Variants in GTF2IRD1 observed in about 807,000 individuals in gnomAD.
GTF2IRD1 encodes the protein GTF2I repeat domain containing 1, also known as general transcription factor II-I repeat domain-containing protein 1.
A neutral mutation model predicts 113.2 loss-of-function variants in GTF2IRD1; 26 were observed. That is an observed-to-expected ratio of 0.23 (90% CI 0.17 to 0.32). GTF2IRD1 has a LOEUF of 0.32. GTF2IRD1 is among the 10% of genes least tolerant of loss of function. GTF2IRD1 has a pLI of 1.00. For synonymous variants in GTF2IRD1, 484 were observed against 529.1 expected (o/e 0.91, Z 1.17); for missense variants, 864 against 1,280.8 (o/e 0.67, Z 4.97).
intron 22 of GTF2IRD1, among the ~76,000 whole-genome samples, chr7:74,587,983 C>A (rs587648352): frequency 6.6e-6 from 1 of 152,266 alleles, no homozygotes; most frequent in African/African-American, 2.4e-5. Flanking sequence ...TCCAACAGCC[C>A]AGCACAGTGA....
At chr7:74,520,902 C>G (rs1797255166) in intron 6 of GTF2IRD1, among the ~76,000 whole-genome samples, 1 of 145,314 alleles carries the variant, frequency 6.9e-6, no homozygotes, top group South Asian at 2.2e-4. Flanking sequence ...GGGAAAAAAG[C>G]CCAAATATGT....
At chr7:74,468,993 G>A (rs1554331692) in intron 1 of GTF2IRD1, among the ~76,000 whole-genome samples, 1 of 151,628 alleles carries the variant, frequency 6.6e-6, no homozygotes, top group African/African-American at 2.4e-5. Flanking sequence ...GCTGAGGCAG[G>A]AGAATGACGT....
At chr7:74,488,074 A>C (rs1469074138) in intron 1 of GTF2IRD1, among the ~76,000 whole-genome samples, 2 of 152,192 alleles carry the variant, frequency 1.3e-5, no homozygotes, top group African/African-American at 4.8e-5. Context: ...TGAGGCCAGG[A>C]GTTCAAGATC....
intron 1 of GTF2IRD1, among the ~76,000 whole-genome samples, chr7:74,487,257 T>G (rs541992774): frequency 5.3e-4 from 80 of 152,280 alleles, no homozygotes; most frequent in African/African-American, 1.9e-3. Flanking sequence ...AGGCTGGTCT[T>G]GAACTCCGGA....
chr7:74,494,396 G>A (rs1795538317), intron 1 of GTF2IRD1, among the ~76,000 whole-genome samples: 1 of 152,232 alleles, frequency 6.6e-6, no homozygotes, highest in South Asian at 2.1e-4. Flanking sequence ...CAGCACGGTG[G>A]CCTCAGGATA....
intron 16 of GTF2IRD1, 73 bp from the exon 17 acceptor site, chr7:74,547,030 G>T: frequency 1.4e-6 from 2 of 1,392,998 alleles, no homozygotes; most frequent in Admixed American, 3.9e-5. Flanking sequence ...CCCCGACACA[G>T]GCACGGGACA....
At chr7:74,588,870 G>T (rs782257206) in intron 22 of GTF2IRD1, among the ~76,000 whole-genome samples, 1 of 152,054 alleles carries the variant, frequency 6.6e-6, no homozygotes, top group Non-Finnish European at 1.5e-5. Flanking sequence ...CTTGGGGGAG[G>T]TCTCCCCAGA....
chr7:74,481,821 G>A (rs527986115), intron 1 of GTF2IRD1, among the ~76,000 whole-genome samples: 26 of 152,198 alleles, frequency 1.7e-4, no homozygotes, highest in Non-Finnish European at 3.4e-4. Flanking sequence ...AGAATTATAA[G>A]TCCTGGAGCG....
intron 9 of GTF2IRD1, among the ~76,000 whole-genome samples, chr7:74,530,820 G>A (rs1175473390): frequency 6.6e-6 from 1 of 152,054 alleles, no homozygotes; most frequent in African/African-American, 2.4e-5. Flanking sequence ...GGCGTCCTTG[G>A]GCAAGTTACT....
At position 74,512,875 on chromosome 7, in the gene GTF2IRD1, G is replaced by T; in HGVS notation, c.169G>T (p.Val57Leu). Reference sequence around the variant, plus strand: ...GAACGCCGAGGTGGCCTGTGTCGCCGTGCACGATGAGAGCGCCTTTGTGGT... The same window carrying T: ...GAACGCCGAGGTGGCCTGTGTCGCCTTGCACGATGAGAGCGCCTTTGTGGT... ...KLNAEVACVA[V>L]HDESAFVVGT... The change falls in exon 3 of 27, where the codon GTG becomes TTG. Residue 57 changes from valine (V) to leucine (L), a missense_variant. By Grantham distance (32) the Val-to-Leu change is conservative. This residue lies in a region of GTF2IRD1 where 182 missense variants were observed against 266.6 expected (regional missense o/e 0.68). Transcript: ENST00000424337. The surrounding 1 kb of genome is among the most constrained non-coding windows in gnomAD (Gnocchi z 4.4). 1 of 1,614,016 alleles carries T rather than the reference G, an allele frequency of 6.2e-7. No individual in the cohort carries two copies. The highest frequency in any genetic ancestry group is 8.5e-7 in the Non-Finnish European group (1 of 1,179,880).
intron 1 of GTF2IRD1, among the ~76,000 whole-genome samples, chr7:74,501,839 G>A (rs1184415107): frequency 1.3e-5 from 2 of 151,954 alleles, no homozygotes; most frequent in African/African-American, 4.8e-5. Context: ...TTTAGTAGAG[G>A]TGGGGTTTCA....
chr7:74,577,419 C>A (rs1168912246), intron 22 of GTF2IRD1, among the ~76,000 whole-genome samples: 2 of 152,184 alleles, frequency 1.3e-5, no homozygotes, highest in African/African-American at 4.8e-5. Flanking sequence ...ATTTCTCTTT[C>A]TTTTTCTCTA....
intron 22 of GTF2IRD1, among the ~76,000 whole-genome samples, chr7:74,580,515 C>T (rs1554365819): frequency 6.6e-6 from 1 of 152,046 alleles, no homozygotes; most frequent in Non-Finnish European, 1.5e-5. Context: ...ACCACCCGAG[C>T]CAGTTGGTTT....
intron 22 of GTF2IRD1, among the ~76,000 whole-genome samples, chr7:74,589,446 C>T (rs1459729324): frequency 6.6e-6 from 1 of 152,104 alleles, no homozygotes; most frequent in Non-Finnish European, 1.5e-5. Flanking sequence ...ACCTGTAATC[C>T]CAGCACTTTG....
intron 1 of GTF2IRD1, among the ~76,000 whole-genome samples, chr7:74,473,747 C>T (rs1794239355): frequency 6.6e-6 from 1 of 151,900 alleles, no homozygotes; most frequent in Admixed American, 6.6e-5. Flanking sequence ...CATAACCCAC[C>T]CACCATCCTG....
intron 1 of GTF2IRD1, among the ~76,000 whole-genome samples, chr7:74,460,659 G>C (rs1554328895): frequency 6.6e-6 from 1 of 152,088 alleles, no homozygotes; most frequent in African/African-American, 2.4e-5. Context: ...CCCAGTTTGG[G>C]AAGTCCTTGT....
At chr7:74,515,978 G>T (rs973870553) in intron 4 of GTF2IRD1, among the ~76,000 whole-genome samples, 6 of 152,052 alleles carry the variant, frequency 3.9e-5, no homozygotes, top group Non-Finnish European at 8.8e-5. Context: ...CACAGCCTTC[G>T]GGGGCTCCCC....
chr7:74,473,706 G>A (rs1794235046), intron 1 of GTF2IRD1, among the ~76,000 whole-genome samples: 1 of 152,090 alleles, frequency 6.6e-6, no homozygotes, highest in African/African-American at 2.4e-5. Flanking sequence ...TGGGGTCTGG[G>A]TGGTGAGCCT....
intron 4 of GTF2IRD1, 61 bp from the exon 5 acceptor site, chr7:74,518,077 GC>G (rs1308321784): frequency 3.2e-6 from 4 of 1,266,852 alleles, no homozygotes; most frequent in African/African-American, 3.0e-5. Context: ...GGGCACAGCA[GC>G]CCCGACCCCA....
Sources: gnomAD v4.1 joint callset for allele counts (sites outside exome capture counted in the v4.1 genomes callset) on GRCh38, gnomAD v4.1.1 for gene constraint, gnomAD v4.1.1 regional missense constraint, Gnocchi (gnomAD v3.1) non-coding constraint, MANE v1.5 for transcripts, NCBI Gene and HGNC (gene_info 2026-07-23, HGNC 2026-07-21) for gene names.